Variants in CAPG observed in about 807,000 individuals in gnomAD.
CAPG encodes capping actin protein, gelsolin like.
CAPG carries 32 observed loss-of-function variants against 44.6 expected under a neutral mutation model. That is an observed-to-expected ratio of 0.72 (90% CI 0.54 to 0.96). The LOEUF is 0.96. CAPG is among the 50% of genes least tolerant of loss of function. The pLI is 0.00. For synonymous variants in CAPG, 175 were observed against 179.6 expected, an observed-to-expected ratio of 0.97 and a Z score of 0.20; for missense variants, 412 against 438.3, an observed-to-expected ratio of 0.94 and a Z score of 0.54.
Position 85,399,301 on chromosome 2 carries a change from A to C in CAPG, c.517-16T>G. 4 of 1,613,300 alleles carry C rather than the reference A, an allele frequency of 2.5e-6. No individual in the cohort carries two copies. The highest frequency in any genetic ancestry group is 3.4e-6 in the Non-Finnish European group (4 of 1,179,682). On this transcript the variant is annotated splice_polypyrimidine_tract_variant and intron_variant, in intron 5 of 9. Transcript: ENST00000263867. Reference sequence around the variant, plus strand: ...CGAAGATGTTCTGCAAGGAAGCAGGAAAGTCCGGGTCAGAGCCAGATGCCT... The same window carrying C: ...CGAAGATGTTCTGCAAGGAAGCAGGCAAGTCCGGGTCAGAGCCAGATGCCT...
In CAPG at chr2:85,399,537, C is replaced by A. The variant is rs35473582; in HGVS notation, c.517-252G>T. ...ACAGGGTCTCACTCTGTCATCCAGG[C>A]TGGAGTGCAAAGACGTGATCATGGC... is the stretch of plus-strand genomic sequence containing the variant. On this transcript the variant is annotated intron_variant, in intron 5 of 9. Coordinates refer to ENST00000263867, the MANE Select transcript of CAPG (RefSeq NM_001747.4). 1.8e-3 allele frequency among the ~76,000 whole-genome samples: 274 copies of A among 152,324 alleles called. 2 individuals carry two copies. Among genetic ancestry groups the A allele is most frequent in the Non-Finnish European group, 3.1e-3 (210 of 68,018 alleles).
At chr2:85,402,209 T>C in intron 1 of CAPG, 51 bp from the exon 2 acceptor site, 1 of 1,489,696 alleles carries the variant, frequency 6.7e-7, no homozygotes, top group Non-Finnish European at 9.2e-7. Context: ...AAAAAGGACC[T>C]CTCACGTGGG....
intron 1 of CAPG, among the ~76,000 whole-genome samples, chr2:85,416,538 T>A (rs1417780517): frequency 1.3e-5 from 2 of 151,646 alleles, no homozygotes; most frequent in Non-Finnish European, 1.5e-5. Context: ...CGAGACAGAG[T>A]CTCACTCTTG....
At chr2:85,418,342 T>G (rs1419535003) in exon 1 of CAPG, 2 of 150,042 alleles carry the variant, frequency 1.3e-5, no homozygotes, top group East Asian at 3.9e-4. Flanking sequence ...CCAGCCGGAG[T>G]TGAGGGCCTC....
rs1378017715 is a variant in CAPG at position 85,395,122 on chromosome 2, A to G, written c.982-164T>C. Among the ~76,000 whole-genome samples the G allele has an allele frequency of 6.6e-6, 1 of 152,184 alleles. No homozygotes were observed. The highest frequency in any genetic ancestry group is 1.5e-5 in the Non-Finnish European group (1 of 68,024). Reference sequence around the variant, plus strand: ...GCTCCCCTGGATGAGCCATGAGATGAGAACCAAGATTTCAGGGACACAGAC... The same window carrying G: ...GCTCCCCTGGATGAGCCATGAGATGGGAACCAAGATTTCAGGGACACAGAC... On this transcript the variant is annotated intron_variant, in intron 9 of 9. Transcript: ENST00000263867. This position sits in a 1 kb window ranked among gnomAD's most constrained non-coding sequence, Gnocchi z 4.3.
chr2:85,403,956 A>C (rs1405588583), intron 1 of CAPG, among the ~76,000 whole-genome samples: 1 of 150,958 alleles, frequency 6.6e-6, no homozygotes, highest in African/African-American at 2.4e-5. Context: ...ATAAAAAATA[A>C]ACCATGATGA....
intron 1 of CAPG, among the ~76,000 whole-genome samples, chr2:85,406,246 G>A (rs1200077757): frequency 1.4e-5 from 2 of 140,040 alleles, no homozygotes; most frequent in Non-Finnish European, 3.2e-5. Flanking sequence ...AGTGAGACTC[G>A]GTTTCAAAAA....
At chr2:85,398,587 CT>C in intron 7 of CAPG, 102 bp downstream of exon 7, 4 of 969,216 alleles carry the variant, frequency 4.1e-6, no homozygotes, top group Non-Finnish European at 6.3e-6. Context: ...CCAGCCCCAC[CT>C]TCCCCCTGCC....
In CAPG at chr2:85,401,613, T is replaced by C; in HGVS notation, c.267A>G (p.Gly89=). 6.2e-7 allele frequency: 1 copy of C among 1,614,082 alleles called. No homozygotes were observed. The highest frequency in any genetic ancestry group is 8.5e-7 in the Non-Finnish European group (1 of 1,179,952). The change falls in exon 4 of 10, where the codon GGA becomes GGG. Residue 89 remains glycine, a synonymous_variant. Transcript: ENST00000263867. ...CCTCGCGGTGCTGCACAGGCCGCTC[T>C]CCCAGCAGCGTGTTGAGGTGCACAG... ...VLAVHLNTLL[G]ERPVQHREVQ... is the part of the protein sequence containing the mutation.
chr2:85,397,731 A>AGAAAGAAAGAAAGAAAGAAAG (rs1686672145), intron 8 of CAPG, among the ~76,000 whole-genome samples: 2 of 148,840 alleles, frequency 1.3e-5, no homozygotes, highest in Admixed American at 6.7e-5. Context: ...AAAGAAAGAA[A>AGAAAGAAAGAAAGAAAGAAAG]ATAGCAAGGC....
intron 7 of CAPG, 66 bp downstream of exon 7, chr2:85,398,624 C>A: frequency 1.5e-6 from 2 of 1,315,678 alleles, no homozygotes; most frequent in South Asian, 1.3e-5. Flanking sequence ...TGCTTGCATG[C>A]AGCTGTGCTG....
intron 7 of CAPG, 33 bp from the exon 8 acceptor site, chr2:85,398,185 C>A (rs758512564): frequency 1.9e-6 from 3 of 1,606,836 alleles, no homozygotes; most frequent in Non-Finnish European, 2.5e-6. Flanking sequence ...GATCTCACCC[C>A]CCACACACCA....
In CAPG at chr2:85,395,018, G is replaced by C. The variant is rs1026044139; in HGVS notation, c.982-60C>G. ...AAGTTGCCACCTCTGCCTCTGCCCA[G>C]GAGGACAGGAGGGGGCCAGAGCCAG... On this transcript the variant is annotated intron_variant, in intron 9 of 9. Coordinates refer to ENST00000263867, the MANE Select transcript of CAPG (RefSeq NM_001747.4). This position sits in a 1 kb window ranked among gnomAD's most constrained non-coding sequence, Gnocchi z 4.3. The C allele has an allele frequency of 5.2e-6, 6 of 1,164,370 alleles. No individual in the cohort carries two copies. The East Asian group carries it at 1.4e-4, about 27-fold the overall frequency. 72.1% of individuals were successfully genotyped at this position (1,164,370 alleles called of 1,614,324 possible). A position where few individuals can be genotyped will look rare whatever the true frequency, so the allele number is the denominator to read the frequency against.
rs928568900 is a variant in CAPG, at chr2:85,395,414, A to G, written c.981+124T>C. 9 of 723,516 alleles carry G rather than the reference A, an allele frequency of 1.2e-5. No individual in the cohort carries two copies. The highest frequency in any genetic ancestry group is 2.2e-5 in the Non-Finnish European group (9 of 405,084). 44.8% of individuals were successfully genotyped at this position (723,516 alleles called of 1,614,324 possible). A position where few individuals can be genotyped will look rare whatever the true frequency, so the allele number is the denominator to read the frequency against. ...TGGGCTTTCCCACTGGATGGGTCTAAGAGGGAGGCCTGGTTGTTCCTGACA... is the reference window on the plus strand; with the variant it reads ...TGGGCTTTCCCACTGGATGGGTCTAGGAGGGAGGCCTGGTTGTTCCTGACA... On this transcript the variant is annotated intron_variant, in intron 9 of 9. Transcript: ENST00000263867. The surrounding 1 kb of genome is among the most constrained non-coding windows in gnomAD (Gnocchi z 4.3).
Position 85,395,027 on chromosome 2 carries a change from G to C in CAPG, c.982-69C>G. The stretch of plus-strand genomic sequence containing the variant: ...CCTCTGCCTCTGCCCAGGAGGACAG[G>C]AGGGGGCCAGAGCCAGGGAGGAGGG... On this transcript the variant is annotated intron_variant, in intron 9 of 9. Coordinates refer to ENST00000263867, the MANE Select transcript of CAPG (RefSeq NM_001747.4). This position sits in a 1 kb window ranked among gnomAD's most constrained non-coding sequence, Gnocchi z 4.3. The C allele has an allele frequency of 9.4e-7, 1 of 1,059,770 alleles. No individual in the cohort carries two copies. Among genetic ancestry groups the C allele is most frequent in the Non-Finnish European group, 1.5e-6 (1 of 681,828 alleles). The allele number at this position is 1,059,770 out of a possible 1,614,324, so 65.6% of individuals were successfully genotyped here.
rs756929786 is a variant in CAPG, at chr2:85,395,238, CT to C, written c.982-281del. On this transcript the variant is annotated intron_variant, in intron 9 of 9. Coordinates refer to ENST00000263867, the MANE Select transcript of CAPG (RefSeq NM_001747.4). This position sits in a 1 kb window ranked among gnomAD's most constrained non-coding sequence, Gnocchi z 4.3. ...GCCCTGTCAGCTCCCCACGGGATGA[CT>C]TGTGGACACTGTGCTGCGGCAGGAG... Among the ~76,000 whole-genome samples the C allele has an allele frequency of 3.5e-4, 54 of 152,314 alleles. No homozygotes were observed. The highest frequency in any genetic ancestry group is 6.8e-4 in the Non-Finnish European group (46 of 68,030).
chr2:85,401,136 G>A (rs775560591), intron 5 of CAPG, 29 bp downstream of exon 5: 3 of 1,606,960 alleles, frequency 1.9e-6, no homozygotes, highest in South Asian at 1.1e-5. Flanking sequence ...GTGCCAATAC[G>A]GAGTGCTCAG....
intron 3 of CAPG, 34 bp downstream of exon 3, chr2:85,401,751 T>C (rs199693005): frequency 1.2e-6 from 2 of 1,611,690 alleles, no homozygotes; most frequent in Non-Finnish European, 1.7e-6. Flanking sequence ...CTCCCCTTCC[T>C]GGGCCCAACC....
chr2:85,401,336 C>T lies in CAPG; in HGVS notation c.352-7G>A. On this transcript the variant is annotated splice_polypyrimidine_tract_variant and splice_region_variant and intron_variant, in intron 4 of 9. Transcript: ENST00000263867. ...CTGACTCCACACCACCTTCCTGCAGCCCAGACGGCCCATCTGAGTGGACTG... is the reference window on the plus strand; with the variant it reads ...CTGACTCCACACCACCTTCCTGCAGTCCAGACGGCCCATCTGAGTGGACTG... 1 of 1,612,954 alleles carries T rather than the reference C, an allele frequency of 6.2e-7. No individual in the cohort carries two copies. Among genetic ancestry groups the T allele is most frequent in the Non-Finnish European group, 8.5e-7 (1 of 1,179,224 alleles).
Sources: gnomAD v4.1 joint callset for allele counts (sites outside exome capture counted in the v4.1 genomes callset) on GRCh38, gnomAD v4.1.1 for gene constraint, Gnocchi (gnomAD v3.1) non-coding constraint, MANE v1.5 for transcripts, NCBI Gene and HGNC (gene_info 2026-07-23, HGNC 2026-07-21) for gene names.